The following PPP3CA variants were observed in gnomAD, a reference collection of about 807,000 sequenced individuals.
PPP3CA encodes CAM-PRP catalytic subunit.
A neutral mutation model predicts 66.5 loss-of-function variants in PPP3CA; 14 were observed. That is an observed-to-expected ratio of 0.21 (90% CI 0.14 to 0.33). PPP3CA has a LOEUF of 0.33. Ranked by LOEUF, PPP3CA falls within the 10% of genes least tolerant of loss-of-function variation. The pLI is 1.00. For missense variants in PPP3CA, 317 were observed against 639.5 expected (o/e 0.50, Z 5.44); for synonymous variants, 232 against 226.2 (o/e 1.03, Z -0.23).
intron 2 of PPP3CA, among the ~76,000 whole-genome samples, chr4:101,111,642 G>A (rs890841185): frequency 1.6e-4 from 25 of 152,218 alleles, no homozygotes; most frequent in Admixed American, 2.6e-4. Context: ...CCACACTACC[G>A]AGGCTCCAAC....
chr4:101,261,182 T>A (rs992345611), intron 1 of PPP3CA, among the ~76,000 whole-genome samples: 12 of 152,122 alleles, frequency 7.9e-5, no homozygotes, highest in African/African-American at 2.4e-4. Flanking sequence ...AATAAGGAGC[T>A]GAGGTCTGGC....
chr4:101,073,022 A>G (rs1300794073), intron 8 of PPP3CA, among the ~76,000 whole-genome samples: 1 of 151,648 alleles, frequency 6.6e-6, no homozygotes, highest in Non-Finnish European at 1.5e-5. Flanking sequence ...TGAAATTAAT[A>G]TTACAGTTGG....
At chr4:101,115,602 C>A (rs1316519252) in intron 2 of PPP3CA, among the ~76,000 whole-genome samples, 6 of 151,860 alleles carry the variant, frequency 4.0e-5, no homozygotes, top group Non-Finnish European at 8.8e-5. Flanking sequence ...GTAGATAATA[C>A]TGAACACCTT....
At position 101,198,777 on chromosome 4, in the gene PPP3CA, A is replaced by C. The variant is rs538959596; in HGVS notation, c.59-2661T>G. Among the ~76,000 whole-genome samples the C allele has an allele frequency of 6.0e-4, 92 of 152,274 alleles. 1 individual carries two copies. Among genetic ancestry groups the C allele is most frequent in the African/African-American group, 2.2e-3 (91 of 41,560 alleles). Reference sequence around the variant, plus strand: ...AAGGCCAAGATCACTGCAATAACAGATGCTCCACCCTCCACTGCAGATCTT... The same window carrying C: ...AAGGCCAAGATCACTGCAATAACAGCTGCTCCACCCTCCACTGCAGATCTT... On this transcript the variant is annotated intron_variant, in intron 1 of 13. Transcript: ENST00000394854.
intron 1 of PPP3CA, among the ~76,000 whole-genome samples, chr4:101,279,197 C>A (rs541524520): frequency 6.6e-6 from 1 of 152,138 alleles, no homozygotes; most frequent in East Asian, 1.9e-4. Context: ...GCCACACACA[C>A]ACACAATTCA....
intron 2 of PPP3CA, among the ~76,000 whole-genome samples, chr4:101,183,434 T>A (rs1724305395): frequency 6.6e-6 from 1 of 152,146 alleles, no homozygotes; most frequent in Non-Finnish European, 1.5e-5. Context: ...AATTTAGTCT[T>A]CAGCTGAGTG....
intron 12 of PPP3CA, among the ~76,000 whole-genome samples, chr4:101,031,957 C>T (rs918896043): frequency 4.6e-5 from 7 of 152,170 alleles, no homozygotes; most frequent in Admixed American, 2.0e-4. Flanking sequence ...AACGGAGTGG[C>T]TCAAAGTAGT....
At chr4:101,028,171 A>G (rs1376519607) in intron 13 of PPP3CA, among the ~76,000 whole-genome samples, 5 of 152,224 alleles carry the variant, frequency 3.3e-5, no homozygotes, top group Non-Finnish European at 7.3e-5. Flanking sequence ...CCATATGCAC[A>G]TAATTTTGAG....
chr4:101,254,100 C>A (rs1341608072), intron 1 of PPP3CA, among the ~76,000 whole-genome samples: 1 of 151,942 alleles, frequency 6.6e-6, no homozygotes, highest in Non-Finnish European at 1.5e-5. Context: ...TCCAAAGAGG[C>A]CAAGTCAGTA....
At position 101,347,090 on chromosome 4, in the gene PPP3CA, G is replaced by C. The variant is rs887533300; in HGVS notation, c.-294C>G. ...ATTTATTTTCTGAGCACGCCTCCCG[G>C]TTCTTCTTTTATTCTTGGGGGAAGG... On this transcript the variant is annotated 5_prime_UTR_variant, in exon 1 of 14. Transcript: ENST00000394854. The C allele has an allele frequency of 1.7e-5, 9 of 532,364 alleles. No homozygotes were observed. Among genetic ancestry groups the C allele is most frequent in the African/African-American group, 1.6e-4 (8 of 48,928 alleles). 33.0% of individuals were successfully genotyped at this position (532,364 alleles called of 1,614,324 possible). A position where few individuals can be genotyped will look rare whatever the true frequency, so the allele number is the denominator to read the frequency against.
At chr4:101,026,777 T>G (rs1726674202) in intron 13 of PPP3CA, among the ~76,000 whole-genome samples, 1 of 152,160 alleles carries the variant, frequency 6.6e-6, no homozygotes, top group South Asian at 2.1e-4. Context: ...ATGTATCGTC[T>G]GCCCTTCAGC....
chr4:101,063,182 T>C (rs1560583854), intron 9 of PPP3CA, 50 bp downstream of exon 9: 1 of 1,584,128 alleles, frequency 6.3e-7, no homozygotes, highest in Admixed American at 1.8e-5. Context: ...TCTCCTTTCC[T>C]TCCTTCCTAA....
chr4:101,090,849 T>G (rs970530424), intron 6 of PPP3CA, among the ~76,000 whole-genome samples: 7 of 148,644 alleles, frequency 4.7e-5, no homozygotes, highest in Non-Finnish European at 1.0e-4. Context: ...TCTGTGTCTA[T>G]ATTATAATAT....
intron 2 of PPP3CA, among the ~76,000 whole-genome samples, chr4:101,144,201 T>C (rs1722895116): frequency 6.6e-6 from 1 of 152,220 alleles, no homozygotes; most frequent in South Asian, 2.1e-4. Flanking sequence ...TTCAGATTCA[T>C]GTCCAAGTGA....
intron 1 of PPP3CA, among the ~76,000 whole-genome samples, chr4:101,284,700 C>T (rs931440952): frequency 6.6e-6 from 1 of 151,774 alleles, no homozygotes; most frequent in African/African-American, 2.4e-5. Context: ...GTGCATTTCC[C>T]GTGGTTACCA....
At chr4:101,274,307 G>A (rs556397480) in intron 1 of PPP3CA, among the ~76,000 whole-genome samples, 8 of 152,214 alleles carry the variant, frequency 5.3e-5, no homozygotes, top group East Asian at 3.9e-4. Context: ...GCAAGACTCC[G>A]TCTCAAAAAT....
chr4:101,327,306 A>G (rs1031313690), intron 1 of PPP3CA, among the ~76,000 whole-genome samples: 3 of 152,166 alleles, frequency 2.0e-5, no homozygotes, highest in African/African-American at 2.4e-5. Flanking sequence ...CCTCTCTTCC[A>G]TAAGAAAAAA....
intron 2 of PPP3CA, among the ~76,000 whole-genome samples, chr4:101,193,887 T>G (rs11935869): frequency 0.063 from 9,583 of 152,278 alleles, 984 homozygotes; most frequent in African/African-American, 0.21. Context: ...TGGCAAATGT[T>G]AGTACAACTC....
chr4:101,318,651 A>C (rs181085789), intron 1 of PPP3CA, among the ~76,000 whole-genome samples: 119 of 152,310 alleles, frequency 7.8e-4, no homozygotes, highest in African/African-American at 2.8e-3. Context: ...TAAGAACAAA[A>C]ATATAATCAA....
Sources: gnomAD v4.1 joint callset for allele counts (sites outside exome capture counted in the v4.1 genomes callset) on GRCh38, gnomAD v4.1.1 for gene constraint, MANE v1.5 for transcripts, NCBI Gene and HGNC (gene_info 2026-07-23, HGNC 2026-07-21) for gene names.